ROBO2: variants seen among roughly 807,000 people sequenced by gnomAD.
ROBO2 encodes roundabout homolog 2.
A neutral mutation model predicts 160.8 loss-of-function variants in ROBO2; 53 were observed. That is an observed-to-expected ratio of 0.33 (90% CI 0.26 to 0.41). The LOEUF (loss-of-function observed/expected upper bound fraction) is 0.41, where lower values mean the gene tolerates loss of function less well. ROBO2 is among the 10% of genes least tolerant of loss of function. The pLI is 1.00. For synonymous variants in ROBO2, 664 were observed against 611.7 expected (o/e 1.09, Z -1.26); for missense variants, 1,577 against 1,722.4 (o/e 0.92, Z 1.49).
chr3:76,516,258 G>A (rs2081342713), intron 2 of ROBO2, among the ~76,000 whole-genome samples: 1 of 152,102 alleles, frequency 6.6e-6, no homozygotes, highest in Non-Finnish European at 1.5e-5. Flanking sequence ...ACCCTCTATA[G>A]CAGATGACCC....
At chr3:76,845,279 T>C (rs1308701198) in intron 2 of ROBO2, among the ~76,000 whole-genome samples, 2 of 152,044 alleles carry the variant, frequency 1.3e-5, no homozygotes, top group Non-Finnish European at 2.9e-5. Flanking sequence ...GAATGTTATC[T>C]GAGACGTTTA....
At chr3:76,908,233 C>A (rs903259664) in intron 2 of ROBO2, among the ~76,000 whole-genome samples, 1 of 152,088 alleles carries the variant, frequency 6.6e-6, no homozygotes, top group African/African-American at 2.4e-5. Context: ...GCAAACATTT[C>A]TTTGTAAAAT....
At chr3:77,126,419 A>G (rs778215887) in intron 2 of ROBO2, among the ~76,000 whole-genome samples, 24 of 152,224 alleles carry the variant, frequency 1.6e-4, no homozygotes, top group Non-Finnish European at 2.9e-5. Flanking sequence ...CAATTTGTGT[A>G]AGAGAAAAAC....
intron 2 of ROBO2, among the ~76,000 whole-genome samples, chr3:76,218,680 A>G (rs1014760162): frequency 6.6e-6 from 1 of 152,222 alleles, no homozygotes; most frequent in African/African-American, 2.4e-5. Flanking sequence ...AAACAAATGG[A>G]AGAACATTCC....
At chr3:76,407,107 G>C (rs1448705197) in intron 2 of ROBO2, among the ~76,000 whole-genome samples, 2 of 151,038 alleles carry the variant, frequency 1.3e-5, no homozygotes, top group East Asian at 2.0e-4. Context: ...TTTGCAGTAG[G>C]ATTTTGCTCT....
intron 2 of ROBO2, among the ~76,000 whole-genome samples, chr3:77,008,537 C>T (rs2061703247): frequency 6.6e-6 from 1 of 152,024 alleles, no homozygotes; most frequent in Non-Finnish European, 1.5e-5. Flanking sequence ...GGTTTGTTTC[C>T]TTTGTGGGTG....
At chr3:76,552,032 C>A (rs1260386594) in intron 2 of ROBO2, among the ~76,000 whole-genome samples, 1 of 152,108 alleles carries the variant, frequency 6.6e-6, no homozygotes, top group Non-Finnish European at 1.5e-5. Context: ...GTGCTGCCAG[C>A]CACAGAGGTT....
intron 2 of ROBO2, among the ~76,000 whole-genome samples, chr3:76,767,315 G>A (rs1461254265): frequency 6.6e-6 from 1 of 151,552 alleles, no homozygotes; most frequent in Non-Finnish European, 1.5e-5. Flanking sequence ...TTCACTTTTA[G>A]ATAAATACTT....
At chr3:77,407,387 G>A (rs2076340125) in intron 2 of ROBO2, among the ~76,000 whole-genome samples, 1 of 152,052 alleles carries the variant, frequency 6.6e-6, no homozygotes, top group South Asian at 2.1e-4. Flanking sequence ...TAAAATTATG[G>A]TTCCAATTTA....
At chr3:77,186,601 A>AT (rs779223398) in intron 2 of ROBO2, among the ~76,000 whole-genome samples, 35 of 152,004 alleles carry the variant, frequency 2.3e-4, no homozygotes, top group Non-Finnish European at 4.1e-4. Flanking sequence ...AAGGATGTTG[A>AT]TTTTTCCCCC....
At chr3:76,416,558 T>A (rs2075767107) in intron 2 of ROBO2, among the ~76,000 whole-genome samples, 1 of 152,212 alleles carries the variant, frequency 6.6e-6, no homozygotes, top group Non-Finnish European at 1.5e-5. Flanking sequence ...ATTAGTGGAT[T>A]TTTTTCTTGA....
At chr3:76,254,833 T>C (rs1177938426) in intron 2 of ROBO2, among the ~76,000 whole-genome samples, 1 of 151,996 alleles carries the variant, frequency 6.6e-6, no homozygotes, top group Non-Finnish European at 1.5e-5. Flanking sequence ...TGTAGTATTA[T>C]ATTATAATTT....
rs1578508140 is a variant in ROBO2, at chr3:76,609,402, T to A, written c.110-488612T>A. Among the ~76,000 whole-genome samples the A allele has an allele frequency of 2.6e-5, 4 of 152,274 alleles. No homozygotes were observed. In the South Asian group the frequency reaches 8.3e-4, roughly 32 times the overall value. ...TTTTCCCTTCAATTTCTTTCATCAG[T>A]GTTTTATAATTTTCATTGTAGAGTT... is the stretch of plus-strand genomic sequence containing the variant. On this transcript the variant is annotated intron_variant, in intron 2 of 26. Coordinates refer to the ROBO2 transcript ENST00000487694.
intron 2 of ROBO2, among the ~76,000 whole-genome samples, chr3:76,902,035 G>T (rs2075276883): frequency 6.6e-6 from 1 of 151,812 alleles, no homozygotes; most frequent in African/African-American, 2.4e-5. Context: ...TTATAAAAAT[G>T]AATAAATATT....
At chr3:76,396,678 AACAG>A (rs2077471580) in intron 2 of ROBO2, among the ~76,000 whole-genome samples, 1 of 152,188 alleles carries the variant, frequency 6.6e-6, no homozygotes, top group Admixed American at 6.5e-5. Flanking sequence ...ATGCACCAAT[AACAG>A]ACAAACAGAG....
intron 2 of ROBO2, among the ~76,000 whole-genome samples, chr3:76,567,658 T>TATATATAC (rs1200541434): frequency 9.8e-6 from 1 of 102,142 alleles, no homozygotes; most frequent in East Asian, 2.9e-4. Context: ...TATATACACA[T>TATATATAC]ACACATATAT....
At chr3:76,521,860 T>G (rs2081637965) in intron 2 of ROBO2, among the ~76,000 whole-genome samples, 1 of 152,188 alleles carries the variant, frequency 6.6e-6, no homozygotes, top group Non-Finnish European at 1.5e-5. Flanking sequence ...CAATTTCAAG[T>G]TTTTTATATA....
chr3:76,170,866 G>A (rs762154579), intron 2 of ROBO2, among the ~76,000 whole-genome samples: 21 of 152,066 alleles, frequency 1.4e-4, no homozygotes, highest in Admixed American at 3.3e-4. Flanking sequence ...ATACCCTGGC[G>A]AACAATTAGT....
chr3:77,189,823 T>C (rs1404002963), intron 2 of ROBO2, among the ~76,000 whole-genome samples: 1 of 151,942 alleles, frequency 6.6e-6, no homozygotes, highest in Non-Finnish European at 1.5e-5. Flanking sequence ...TGCTAAGAGC[T>C]CATATTAAAC....
Sources: gnomAD v4.1 joint callset for allele counts (sites outside exome capture counted in the v4.1 genomes callset) on GRCh38, gnomAD v4.1.1 for gene constraint, MANE v1.5 for transcripts, NCBI Gene and HGNC (gene_info 2026-07-23, HGNC 2026-07-21) for gene names.